Variants in DHRS2 observed in about 807,000 individuals in gnomAD.
The protein encoded by DHRS2 is dehydrogenase/reductase 2.
DHRS2 carries 29 observed loss-of-function variants against 26.3 expected under a neutral mutation model. That is an observed-to-expected ratio of 1.10 (90% CI 0.82 to 1.50). The LOEUF (loss-of-function observed/expected upper bound fraction) is 1.50, where lower values mean the gene tolerates loss of function less well. Ranked by LOEUF, DHRS2 falls within the 40% of genes most tolerant of loss-of-function variation. DHRS2 has a pLI of 0.00. For missense variants in DHRS2, 439 were observed against 367.1 expected (o/e 1.20, Z -1.60); for synonymous variants, 164 against 151.3 (o/e 1.08, Z -0.62).
upstream of DHRS2, among the ~76,000 whole-genome samples, chr14:23,631,518 T>C (rs1890117780): frequency 6.6e-6 from 1 of 152,132 alleles, no homozygotes; most frequent in Non-Finnish European, 1.5e-5. Flanking sequence ...TCTCTCATTC[T>C]TTCTCCTCTA....
intron 4 of DHRS2, chr14:23,640,637 C>T (rs1594244924): frequency 5.7e-6 from 1 of 175,510 alleles, no homozygotes; most frequent in Non-Finnish European, 1.1e-5. Context: ...CCACTCTGCC[C>T]TAAGCACTGG....
In DHRS2 at chr14:23,645,281, G is replaced by C. The variant is rs7150155; in HGVS notation, c.*28G>C. The C allele has an allele frequency of 6.2e-7, 1 of 1,613,550 alleles. No homozygotes were observed. Among genetic ancestry groups the C allele is most frequent in the African/African-American group, 1.3e-5 (1 of 74,822 alleles). On this transcript the variant is annotated 3_prime_UTR_variant, in exon 9 of 9. Coordinates refer to ENST00000250383, the MANE Select transcript of DHRS2 (RefSeq NM_005794.4). The stretch of plus-strand genomic sequence containing the variant: ...GGAGTGGGGGCGGCTGCGTAGCTGT[G>C]GTCCCAGGCCCAGGAGCCTGAGGGG...
intron 4 of DHRS2, chr14:23,642,011 C>T: frequency 9.0e-7 from 1 of 1,114,700 alleles, no homozygotes; most frequent in Non-Finnish European, 1.1e-6. Flanking sequence ...CTTGCTACTT[C>T]CTCTTTCACT....
Position 23,642,276 on chromosome 14 carries a change from T to C in DHRS2, c.421-876T>C, listed in dbSNP as rs913527252. 5.8e-6 allele frequency: 3 copies of C among 521,278 alleles called. No individual in the cohort carries two copies. The African/African-American group carries it at 6.2e-5, about 11-fold the overall frequency. The allele number at this position is 521,278 out of a possible 1,614,324, so 32.3% of individuals were successfully genotyped here. A position where few individuals can be genotyped will look rare whatever the true frequency, so the allele number is the denominator to read the frequency against. On this transcript the variant is annotated intron_variant, in intron 4 of 8. Coordinates refer to ENST00000250383, the MANE Select transcript of DHRS2 (RefSeq NM_005794.4). ...AATAATAGAATAAATGCTCAGTCCTTATCACATGCTGTGAACTGTAGGCAC... is the reference window on the plus strand; with the variant it reads ...AATAATAGAATAAATGCTCAGTCCTCATCACATGCTGTGAACTGTAGGCAC...
rs1890840345 is a variant in DHRS2, at chr14:23,645,424, A to G, written c.*171A>G. 17 of 1,357,906 alleles carry G rather than the reference A, an allele frequency of 1.3e-5. No homozygotes were observed. The highest frequency in any genetic ancestry group is 1.5e-5 in the Non-Finnish European group (15 of 1,002,310). 84.1% of individuals were successfully genotyped at this position (1,357,906 alleles called of 1,614,324 possible). ...AGAAAAACGCTTCGGCATTCTCCTT[A>G]GGACTTATCTGCTTGTAGATTTGGC... On this transcript the variant is annotated 3_prime_UTR_variant, in exon 9 of 9. Transcript: ENST00000250383.
upstream of DHRS2, chr14:23,636,355 G>A (rs1172388595): frequency 6.6e-6 from 1 of 152,120 alleles, no homozygotes; most frequent in Non-Finnish European, 1.5e-5. Context: ...GGCTGCCTGA[G>A]CCGGCAGCAG....
rs542899674 is a variant in DHRS2, at chr14:23,641,436, T to C, written c.420+1541T>C. ...CTCTGCTCAGAACTACTTGGCACACTGAGCTACTCTCTCTTACTTTCTAAT... is the reference window on the plus strand; with the variant it reads ...CTCTGCTCAGAACTACTTGGCACACCGAGCTACTCTCTCTTACTTTCTAAT... On this transcript the variant is annotated intron_variant, in intron 4 of 8. Transcript: ENST00000250383. 1.3e-5 allele frequency: 5 copies of C among 381,374 alleles called. No individual in the cohort carries two copies. In the Admixed American group the frequency reaches 2.0e-4, roughly 16 times the overall value. The allele number at this position is 381,374 out of a possible 1,614,324, so 23.6% of individuals were successfully genotyped here. A position where few individuals can be genotyped will look rare whatever the true frequency, so the allele number is the denominator to read the frequency against.
chr14:23,634,143 C>T (rs1413605544), upstream of DHRS2, among the ~76,000 whole-genome samples: 1 of 139,140 alleles, frequency 7.2e-6, no homozygotes, highest in East Asian at 2.4e-4. Flanking sequence ...TCTTGGCTCA[C>T]TGCAACCTCC....
intron 4 of DHRS2, chr14:23,642,799 C>A (rs146362859): frequency 4.8e-6 from 1 of 209,224 alleles, no homozygotes; most frequent in Non-Finnish European, 9.8e-6. Context: ...AACTTTTGGC[C>A]TTGAGTAATC....
intron 7 of DHRS2, 82 bp from the exon 8 acceptor site, chr14:23,644,745 G>C (rs993396657): frequency 6.5e-7 from 1 of 1,532,326 alleles, no homozygotes. Context: ...GCTGCCCTAG[G>C]TGTTCTGCCT....
chr14:23,638,773 A>T, intron 1 of DHRS2, 54 bp from the exon 2 acceptor site: 6 of 1,524,508 alleles, frequency 3.9e-6, no homozygotes, highest in Non-Finnish European at 5.3e-6. Flanking sequence ...AGGGTAGATT[A>T]CCTTCATGCT....
chr14:23,632,411 A>G (rs1332303539), upstream of DHRS2, among the ~76,000 whole-genome samples: 1 of 152,218 alleles, frequency 6.6e-6, no homozygotes, highest in African/African-American at 2.4e-5. Context: ...CAGCAGGCAG[A>G]GTGGAAGCAG....
chr14:23,641,977 C>T, intron 4 of DHRS2: 3 of 1,133,880 alleles, frequency 2.6e-6, no homozygotes, highest in Non-Finnish European at 3.3e-6. Context: ...GCCCTAGCTC[C>T]CAGGCTCCGC....
intron 1 of DHRS2, 53 bp from the exon 2 acceptor site, chr14:23,638,773 AC>A: frequency 6.6e-7 from 1 of 1,524,508 alleles, no homozygotes; most frequent in Non-Finnish European, 8.9e-7. Context: ...AGGGTAGATT[AC>A]CTTCATGCTC....
intron 5 of DHRS2, 119 bp downstream of exon 5, chr14:23,643,338 T>C (rs1890745593): frequency 1.1e-6 from 1 of 870,300 alleles, no homozygotes; most frequent in East Asian, 2.5e-5. Flanking sequence ...GATCTCCACA[T>C]CCCTCATCTT....
At chr14:23,637,408 G>T (rs1346455821) in intron 1 of DHRS2, among the ~76,000 whole-genome samples, 2 of 152,152 alleles carry the variant, frequency 1.3e-5, no homozygotes, top group African/African-American at 4.8e-5. Flanking sequence ...CAGATAAGCA[G>T]GTCTAACAAA....
chr14:23,637,346 T>TGCCCAAA (rs1303743389), intron 1 of DHRS2, among the ~76,000 whole-genome samples: 98 of 152,328 alleles, frequency 6.4e-4, no homozygotes, highest in African/African-American at 2.2e-3. Flanking sequence ...ACATAATTTT[T>TGCCCAAA]GCCCAAAGCC....
chr14:23,632,032 G>C (rs750562905), upstream of DHRS2, among the ~76,000 whole-genome samples: 7 of 152,200 alleles, frequency 4.6e-5, no homozygotes, highest in Non-Finnish European at 1.0e-4. Context: ...AGCAGGGCTT[G>C]GTAAGAACTG....
chr14:23,644,961 C>T (rs751417194), intron 8 of DHRS2, 79 bp downstream of exon 8: 3 of 1,569,306 alleles, frequency 1.9e-6, no homozygotes, highest in East Asian at 4.5e-5. Context: ...GCAGACCCCT[C>T]CCTGTCATCT....
Sources: gnomAD v4.1 joint callset for allele counts (sites outside exome capture counted in the v4.1 genomes callset) on GRCh38, gnomAD v4.1.1 for gene constraint, MANE v1.5 for transcripts, NCBI Gene and HGNC (gene_info 2026-07-23, HGNC 2026-07-21) for gene names.